MATR3: variants seen among roughly 807,000 people sequenced by gnomAD.
MATR3 encodes matrin-3.
MATR3 carries 4 observed loss-of-function variants against 85.5 expected under a neutral mutation model. The observed-to-expected ratio is 0.05, with a 90% confidence interval of 0.02 to 0.11. MATR3 has a LOEUF of 0.11. MATR3 is among the 10% of genes least tolerant of loss of function. The pLI, the probability that MATR3 is intolerant of heterozygous loss-of-function variation, is 1.00. For missense variants in MATR3, 685 were observed against 1,016.1 expected, an observed-to-expected ratio of 0.67 and a Z score of 4.43; for synonymous variants, 336 against 343.1, an observed-to-expected ratio of 0.98 and a Z score of 0.23.
Position 139,329,823 on chromosome 5 carries a change from C to A in MATR3, c.*428C>A, listed in dbSNP as rs561547588. 113 of 454,558 alleles carry A rather than the reference C, an allele frequency of 2.5e-4. 4 individuals carry two copies. The highest frequency in any genetic ancestry group is 1.7e-3 in the South Asian group (110 of 64,478). The allele number at this position is 454,558 out of a possible 1,614,324, so 28.2% of individuals were successfully genotyped here. On this transcript the variant is annotated 3_prime_UTR_variant, in exon 15 of 15. Coordinates refer to ENST00000394805, the MANE Select transcript of MATR3 (RefSeq NM_018834.6). Reference sequence around the variant, plus strand: ...GAAACATTCCATGTTTTAATCTGAGCCTTGCAGACTTTCATTTGGAGTTTG... The same window carrying A: ...GAAACATTCCATGTTTTAATCTGAGACTTGCAGACTTTCATTTGGAGTTTG...
At chr5:139,284,562 C>G (rs1343860109) in intron 3 of MATR3, among the ~76,000 whole-genome samples, 1 of 151,428 alleles carries the variant, frequency 6.6e-6, no homozygotes, top group African/African-American at 2.4e-5. Context: ...GAGCTGAGAT[C>G]GTGCCACTGC....
At position 139,319,860 on chromosome 5, in the gene MATR3, C is replaced by CTTTT. The variant is rs58123057; in HGVS notation, c.1602+384_1602+387dup. 1.2e-3 allele frequency among the ~76,000 whole-genome samples: 54 copies of CTTTT among 44,164 alleles called. 1 individual carries two copies. The highest frequency in any genetic ancestry group is 3.3e-3 in the African/African-American group (42 of 12,852). 29.0% of individuals were successfully genotyped at this position (44,164 alleles called of 152,430 possible). A position where few individuals can be genotyped will look rare whatever the true frequency, so the allele number is the denominator to read the frequency against. ...CTCCCAACTCAAAAAAAAAAATTTGCTTTTTTTTTTTTTTTTTTTTTTTTT... is the reference window on the plus strand; with the variant it reads ...CTCCCAACTCAAAAAAAAAAATTTGCTTTTTTTTTTTTTTTTTTTTTTTTTTTTT... On this transcript the variant is annotated intron_variant, in intron 9 of 14. Transcript: ENST00000394805.
chr5:139,293,971 G>T, intron 1 of MATR3, 166 bp downstream of exon 1: 4 of 1,262,502 alleles, frequency 3.2e-6, no homozygotes, highest in Non-Finnish European at 4.0e-6. Context: ...CCGCCTGATC[G>T]GCGGCCGCCA....
intron 3 of MATR3, among the ~76,000 whole-genome samples, chr5:139,286,379 T>C (rs1368840497): frequency 6.6e-6 from 1 of 151,942 alleles, no homozygotes; most frequent in Non-Finnish European, 1.5e-5. Flanking sequence ...GGGGTCTCAC[T>C]GTGTTGATCA....
rs142493606 is a variant in MATR3, at chr5:139,325,714, T to G, written c.2371+52T>G. On this transcript the variant is annotated intron_variant, in intron 13 of 14. Coordinates refer to ENST00000394805, the MANE Select transcript of MATR3 (RefSeq NM_018834.6). ...CTTCCTCACTCTCCTCAAAACAAAC[T>G]CTTAGGTTTTAAAATAAGATTTTAA... The G allele has an allele frequency of 5.4e-6, 8 of 1,477,412 alleles. No individual in the cohort carries two copies. The Admixed American group carries it at 1.0e-4, about 19-fold the overall frequency. 91.5% of individuals were successfully genotyped at this position (1,477,412 alleles called of 1,614,324 possible).
intron 5 of MATR3, 48 bp downstream of exon 5, chr5:139,316,236 A>G: frequency 1.4e-6 from 2 of 1,424,116 alleles, no homozygotes; most frequent in Non-Finnish European, 2.0e-6. Flanking sequence ...GCCGTTACTG[A>G]AAATTTTTCT....
chr5:139,311,754 T>A (rs1754991170), intron 2 of MATR3: 2 of 13,750 alleles, frequency 1.5e-4, no homozygotes, highest in Non-Finnish European at 4.5e-4. Context: ...TTAATCCTTT[T>A]TTTTTTTTTT....
Position 139,279,208 on chromosome 5 carries a change from G to A in MATR3, c.-178+79G>A, listed in dbSNP as rs1201099577. ...GGGGTAGGGGACTTAAAATTATGAT[G>A]TGAAAAATTATGTAGAGTATCAGAC... On this transcript the variant is annotated intron_variant, in intron 3 of 16. Transcript: ENST00000509990. 2.9e-5 allele frequency: 13 copies of A among 452,804 alleles called. 1 individual carries two copies. Among genetic ancestry groups the A allele is most frequent in the South Asian group, 7.8e-5 (5 of 64,332 alleles). The allele number at this position is 452,804 out of a possible 1,614,324, so 28.0% of individuals were successfully genotyped here.
At chr5:139,320,914 AT>A (rs5871694) in intron 9 of MATR3, among the ~76,000 whole-genome samples, 73,372 of 118,156 alleles carry the variant, frequency 0.62, 21,947 homozygotes, top group Non-Finnish European at 0.65. Context: ...CGCCTGGCTA[AT>A]TTTTTTTTTT....
intron 1 of MATR3, among the ~76,000 whole-genome samples, chr5:139,300,729 G>T (rs1388568032): frequency 6.6e-6 from 1 of 152,198 alleles, no homozygotes; most frequent in African/African-American, 2.4e-5. Flanking sequence ...TGCAACCTCT[G>T]CCTCCAGGGT....
rs140989308 is a variant in MATR3, at chr5:139,301,006, G to A, written c.-177-6233G>A. On this transcript the variant is annotated intron_variant, in intron 1 of 14. Coordinates refer to ENST00000394805, the MANE Select transcript of MATR3 (RefSeq NM_018834.6). ...TTTTTGTATTTTTGGGTAGAGACAG[G>A]GTTTCCCCATGTTGGCCAAGCTGGT... is the stretch of plus-strand genomic sequence containing the variant. Among the ~76,000 whole-genome samples, 526 of 152,154 alleles carry A rather than the reference G, an allele frequency of 3.5e-3. 3 individuals carry two copies. The highest frequency in any genetic ancestry group is 0.012 in the African/African-American group (498 of 41,504).
chr5:139,322,685 C>T lies in MATR3; in HGVS notation c.1866C>T (p.Thr622=), dbSNP rs539542619. 41 of 1,613,944 alleles carry T rather than the reference C, an allele frequency of 2.5e-5. No individual in the cohort carries two copies. In the Admixed American group the frequency reaches 4.7e-4, roughly 18 times the overall value. The change falls in exon 12 of 15, where the codon ACC becomes ACT. Residue 622 remains threonine, a synonymous_variant. Transcript: ENST00000394805. ...TDGSQKTESS[T]EGKEQEEKSG... Reference sequence around the variant, plus strand: ...GTTCCCAGAAGACTGAGAGTTCAACCGAAGGTAAAGAACAAGAAGAGAAGT... The same window carrying T: ...GTTCCCAGAAGACTGAGAGTTCAACTGAAGGTAAAGAACAAGAAGAGAAGT...
intron 12 of MATR3, among the ~76,000 whole-genome samples, chr5:139,323,901 AAAGT>A (rs889698098): frequency 2.6e-5 from 4 of 152,176 alleles, no homozygotes; most frequent in African/African-American, 9.7e-5. Context: ...AGAAAAAAAA[AAAGT>A]AGAGCGAAAT....
rs115502018 is a variant in MATR3 at position 139,324,637 on chromosome 5, C to T, written c.2149-803C>T. Among the ~76,000 whole-genome samples, 299 of 152,146 alleles carry T rather than the reference C, an allele frequency of 2.0e-3. 1 individual carries two copies. Among genetic ancestry groups the T allele is most frequent in the African/African-American group, 7.0e-3 (289 of 41,508 alleles). ...CCATTACACTGTTTGAGTATTTGCT[C>T]TAAAGAGTAGGTATTTGCAGTATAC... On this transcript the variant is annotated intron_variant, in intron 12 of 14. Coordinates refer to ENST00000394805, the MANE Select transcript of MATR3 (RefSeq NM_018834.6).
At chr5:139,326,716 C>T (rs111455580) in intron 14 of MATR3, among the ~76,000 whole-genome samples, 1,668 of 152,242 alleles carry the variant, frequency 0.011, 23 homozygotes, top group African/African-American at 0.038. Flanking sequence ...TGAGCCACCG[C>T]GCCTGGCCTT....
chr5:139,313,260 C>T (rs1400379036), intron 2 of MATR3: 1 of 150,168 alleles, frequency 6.7e-6, no homozygotes, highest in Non-Finnish European at 1.5e-5. Flanking sequence ...GTTTGTGAAA[C>T]ATCAATAATA....
At chr5:139,279,137 GTCT>G (rs1182212808) in intron 3 of MATR3, 3 of 454,228 alleles carry the variant, frequency 6.6e-6, no homozygotes, top group Non-Finnish European at 8.8e-6. Context: ...AACGTATGTA[GTCT>G]TCTTGTCATG....
intron 12 of MATR3, among the ~76,000 whole-genome samples, chr5:139,323,720 C>G (rs1407846910): frequency 1.3e-5 from 2 of 152,030 alleles, no homozygotes; most frequent in African/African-American, 4.8e-5. Context: ...ATGGTGAAAC[C>G]CCGTCTCTAC....
Position 139,326,281 on chromosome 5 carries a change from A to G in MATR3, c.2490A>G (p.Leu830=). The change falls in exon 14 of 15, where the codon TTA becomes TTG. Residue 830 remains leucine, a synonymous_variant. Coordinates refer to ENST00000394805, the MANE Select transcript of MATR3 (RefSeq NM_018834.6). ...GCAGCCTTCCTCATTATCAGAAATT[A>G]AAGGTAAGGTTGAATGTAAAACAGT... is the stretch of plus-strand genomic sequence containing the variant. ...HCSSLPHYQK[L]KKFLNKLAEE... 1 of 1,613,722 alleles carries G rather than the reference A, an allele frequency of 6.2e-7. No homozygotes were observed. Among genetic ancestry groups the G allele is most frequent in the Non-Finnish European group, 8.5e-7 (1 of 1,179,760 alleles).
Sources: gnomAD v4.1 joint callset for allele counts (sites outside exome capture counted in the v4.1 genomes callset) on GRCh38, gnomAD v4.1.1 for gene constraint, MANE v1.5 for transcripts, NCBI Gene and HGNC (gene_info 2026-07-23, HGNC 2026-07-21) for gene names.